The following FSD1L variants were observed in gnomAD, a reference collection of about 807,000 sequenced individuals.
The protein encoded by FSD1L is fibronectin type III and SPRY domain containing 1 like, also known as FSD1-like protein.
Under a neutral mutation model 71.6 loss-of-function variants are expected in FSD1L, and 45 were observed. The observed-to-expected ratio is 0.63, with a 90% CI of 0.49 to 0.81. FSD1L has a LOEUF of 0.81. Ranked by LOEUF, FSD1L falls within the 30% of genes least tolerant of loss-of-function variation. The pLI is 0.00. For synonymous variants in FSD1L, 197 were observed against 207.2 expected (o/e 0.95, Z 0.42); for missense variants, 561 against 618.1 (o/e 0.91, Z 0.98).
chr9:105,527,549 A>G (rs1198222623), intron 10 of FSD1L, among the ~76,000 whole-genome samples: 1 of 152,124 alleles, frequency 6.6e-6, no homozygotes, highest in African/African-American at 2.4e-5. Flanking sequence ...TCCTGAGGAA[A>G]TGTAGCATGA....
intron 5 of FSD1L, chr9:105,473,403 A>G (rs1831600401): frequency 4.6e-5 from 7 of 152,236 alleles, no homozygotes; most frequent in Admixed American, 4.6e-4. Flanking sequence ...ACATGCAGAA[A>G]GCAAAAGATG....
chr9:105,539,416 A>C (rs1836465697), intron 13 of FSD1L, 65 bp downstream of exon 13: 1 of 686,028 alleles, frequency 1.5e-6, no homozygotes. Flanking sequence ...TTTAAGGAGA[A>C]TATTCTATAC....
intron 10 of FSD1L, chr9:105,525,790 C>A (rs1835470504): frequency 6.2e-7 from 1 of 1,607,454 alleles, no homozygotes; most frequent in Admixed American, 1.7e-5. Context: ...GGAGGTAAAT[C>A]TTACAAACCA....
At chr9:105,466,648 G>T (rs988000128) in intron 3 of FSD1L, among the ~76,000 whole-genome samples, 1 of 151,132 alleles carries the variant, frequency 6.6e-6, no homozygotes, top group Admixed American at 6.6e-5. Flanking sequence ...AGCCGAGATC[G>T]CACTACTGCA....
intron 10 of FSD1L, among the ~76,000 whole-genome samples, chr9:105,518,635 T>C (rs532121797): frequency 0.011 from 1,723 of 151,920 alleles, 48 homozygotes; most frequent in African/African-American, 0.04. Flanking sequence ...CACAATGTAC[T>C]AGAATCTCTG....
intron 6 of FSD1L, among the ~76,000 whole-genome samples, chr9:105,484,087 G>C (rs979556222): frequency 6.6e-6 from 1 of 152,026 alleles, no homozygotes; most frequent in Non-Finnish European, 1.5e-5. Flanking sequence ...TGTTGAGTCT[G>C]GTAAGGATTA....
At chr9:105,484,092 G>C (rs184048011) in intron 6 of FSD1L, among the ~76,000 whole-genome samples, 4 of 152,148 alleles carry the variant, frequency 2.6e-5, no homozygotes, top group Admixed American at 1.3e-4. Context: ...AGTCTGGTAA[G>C]GATTATTTTT....
chr9:105,528,238 G>A (rs571681255), intron 10 of FSD1L, among the ~76,000 whole-genome samples: 3 of 152,242 alleles, frequency 2.0e-5, no homozygotes, highest in South Asian at 2.1e-4. Flanking sequence ...TAGATTCAAC[G>A]CTATTCCCAT....
chr9:105,500,196 A>T (rs969801831), intron 7 of FSD1L, among the ~76,000 whole-genome samples: 3 of 152,156 alleles, frequency 2.0e-5, no homozygotes, highest in African/African-American at 7.2e-5. Flanking sequence ...TGAGTCTTGT[A>T]ATTTTTTCTT....
intron 10 of FSD1L, among the ~76,000 whole-genome samples, chr9:105,513,829 T>C (rs2131383431): frequency 6.6e-6 from 1 of 152,384 alleles, no homozygotes; most frequent in African/African-American, 2.4e-5. Flanking sequence ...ATTATTTGGA[T>C]TATATTGTAT....
In FSD1L at chr9:105,448,315, C is replaced by G; in HGVS notation, c.15+80C>G. On this transcript the variant is annotated intron_variant, in intron 1 of 13. Coordinates refer to ENST00000481272, the MANE Select transcript of FSD1L (RefSeq NM_001145313.3). ...TGGGCGGGGCGCCTGGGCCCGTGGG[C>G]TGTGGGTGCGCGGGGTGGGCCTGGC... The G allele has an allele frequency of 7.7e-7, 1 of 1,302,776 alleles. No homozygotes were observed. Among genetic ancestry groups the G allele is most frequent in the Non-Finnish European group, 1.0e-6 (1 of 979,952 alleles). The allele number at this position is 1,302,776 out of a possible 1,614,324, so 80.7% of individuals were successfully genotyped here.
At chr9:105,489,140 TGTAGA>T (rs1224950852) in intron 7 of FSD1L, among the ~76,000 whole-genome samples, 2 of 152,176 alleles carry the variant, frequency 1.3e-5, no homozygotes, top group Non-Finnish European at 2.9e-5. Context: ...CTGACATAGA[TGTAGA>T]GTATTCATAA....
chr9:105,478,177 A>G (rs61114143), intron 5 of FSD1L, among the ~76,000 whole-genome samples: 2,242 of 152,270 alleles, frequency 0.015, 55 homozygotes, highest in African/African-American at 0.052. Flanking sequence ...CCCGGGAGGC[A>G]GAGCTTGCAG....
chr9:105,491,709 G>T (rs1470523092), intron 7 of FSD1L, among the ~76,000 whole-genome samples: 1 of 152,012 alleles, frequency 6.6e-6, no homozygotes, highest in South Asian at 2.1e-4. Context: ...TTAGCATGAA[G>T]GGTTGTTGAA....
Position 105,448,239 on chromosome 9 carries a change from A to G in FSD1L, c.15+4A>G. On this transcript the variant is annotated splice_donor_region_variant and intron_variant, in intron 1 of 13. Coordinates refer to ENST00000481272, the MANE Select transcript of FSD1L (RefSeq NM_001145313.3). ...ACTCGCCATGGACTCCCAGAAAGTA[A>G]GCGGGGGAGGGGAGCCCGGGGCTAC... The G allele has an allele frequency of 6.6e-7, 1 of 1,510,532 alleles. No homozygotes were observed. Among genetic ancestry groups the G allele is most frequent in the East Asian group, 2.7e-5 (1 of 36,726 alleles). 93.6% of individuals were successfully genotyped at this position (1,510,532 alleles called of 1,614,324 possible). A position where few individuals can be genotyped will look rare whatever the true frequency, so the allele number is the denominator to read the frequency against.
intron 10 of FSD1L, chr9:105,523,150 C>T: frequency 6.2e-7 from 1 of 1,613,966 alleles, no homozygotes; most frequent in South Asian, 1.1e-5. Context: ...CATATAGATT[C>T]TGAAACAAGC....
intron 10 of FSD1L, chr9:105,522,435 G>T (rs1368647004): frequency 1.4e-5 from 22 of 1,613,580 alleles, no homozygotes; most frequent in Non-Finnish European, 1.8e-5. Flanking sequence ...GCCTGGCCAA[G>T]CCCCAATGAG....
At chr9:105,523,623 C>G (rs1835322538) in intron 10 of FSD1L, 2 of 1,610,056 alleles carry the variant, frequency 1.2e-6, no homozygotes, top group Admixed American at 3.3e-5. Context: ...AATTCCTCCA[C>G]TGAGAATTCT....
the FSD1L span, among the ~76,000 whole-genome samples, chr9:105,442,609 G>A: frequency 1.3e-5 from 2 of 151,982 alleles, no homozygotes; most frequent in African/African-American, 2.4e-5. Context: ...GATGGCTTGA[G>A]CCTGGGAGGC....
Sources: gnomAD v4.1 joint callset for allele counts (sites outside exome capture counted in the v4.1 genomes callset) on GRCh38, gnomAD v4.1.1 for gene constraint, MANE v1.5 for transcripts, NCBI Gene and HGNC (gene_info 2026-07-23, HGNC 2026-07-21) for gene names.